RB1: variants seen among roughly 807,000 people sequenced by gnomAD.
The protein encoded by RB1 is retinoblastoma-associated protein.
RB1 carries 18 observed loss-of-function variants against 135.4 expected under a neutral mutation model. The observed-to-expected ratio is 0.13, with a 90% CI of 0.09 to 0.20. The LOEUF (loss-of-function observed/expected upper bound fraction) is 0.20. Among genes scored for constraint, RB1 ranks in the 10% least tolerant of loss-of-function variants. The probability of loss-of-function intolerance (pLI) is 1.00; values close to 1 mark genes in which losing one functional copy is unlikely to be tolerated. For missense variants in RB1, 868 were observed against 1,110.0 expected (o/e 0.78, Z 3.10); for synonymous variants, 365 against 373.2 (o/e 0.98, Z 0.25).
chr13:48,461,617 T>G (rs895284911), intron 20 of RB1, among the ~76,000 whole-genome samples: 1 of 152,166 alleles, frequency 6.6e-6, no homozygotes, highest in African/African-American at 2.4e-5. Flanking sequence ...ACCAATAATG[T>G]ATGAGGTTCT....
At chr13:48,388,155 A>T (rs1470662438) in intron 17 of RB1, among the ~76,000 whole-genome samples, 1 of 152,230 alleles carries the variant, frequency 6.6e-6, no homozygotes, top group Non-Finnish European at 1.5e-5. Flanking sequence ...TACTTAAAAC[A>T]ATATCTGACA....
chr13:48,431,485 C>T lies in RB1; in HGVS notation c.1696-21508C>T, dbSNP rs77032154. On this transcript the variant is annotated intron_variant, in intron 17 of 26. Coordinates refer to ENST00000267163, the MANE Select transcript of RB1 (RefSeq NM_000321.3). ...ACTAGCTCTTTAACAGATACTGATA[C>T]TCAAAGGTAAGGAAGAATTATTGGT... Among the ~76,000 whole-genome samples the T allele has an allele frequency of 8.3e-3, 1,268 of 152,284 alleles. 5 individuals are homozygous for T. Among genetic ancestry groups the T allele is most frequent in the Non-Finnish European group, 0.014 (959 of 68,030 alleles).
chr13:48,445,408 CTGCG>C (rs1949278664), intron 17 of RB1, among the ~76,000 whole-genome samples: 1 of 152,154 alleles, frequency 6.6e-6, no homozygotes, highest in South Asian at 2.1e-4. Flanking sequence ...CTTTCAGATT[CTGCG>C]TGATCATACA....
chr13:48,423,430 A>T (rs1487348008), intron 17 of RB1, among the ~76,000 whole-genome samples: 1 of 152,114 alleles, frequency 6.6e-6, no homozygotes, highest in Non-Finnish European at 1.5e-5. Context: ...ATGTTTAAGG[A>T]TTTCTGATTT....
intron 17 of RB1, chr13:48,411,212 A>G (rs1195445538): frequency 7.0e-6 from 4 of 568,926 alleles, no homozygotes; most frequent in Non-Finnish European, 9.4e-6. Flanking sequence ...TGGATACACA[A>G]ATAAAATACA....
intron 23 of RB1, 98 bp from the exon 24 acceptor site, chr13:48,473,261 TG>T: frequency 1.1e-6 from 1 of 940,160 alleles, no homozygotes; most frequent in East Asian, 2.4e-5. Context: ...ACCTTTAATT[TG>T]GTATTCCTAA....
chr13:48,355,875 G>T (rs576161485), intron 6 of RB1, among the ~76,000 whole-genome samples: 4 of 152,068 alleles, frequency 2.6e-5, no homozygotes, highest in African/African-American at 7.2e-5. Context: ...AATCAAATCT[G>T]AACTCATGGA....
chr13:48,401,806 CT>C (rs897276287), intron 17 of RB1, among the ~76,000 whole-genome samples: 1 of 152,132 alleles, frequency 6.6e-6, no homozygotes, highest in African/African-American at 2.4e-5. Flanking sequence ...CCTTTTCTTA[CT>C]TTGCTAAGTT....
chr13:48,349,376 TC>T (rs1180093912), intron 6 of RB1, among the ~76,000 whole-genome samples: 1 of 151,828 alleles, frequency 6.6e-6, no homozygotes, highest in African/African-American at 2.4e-5. Flanking sequence ...CCAGGGATAA[TC>T]GGCATTAAAA....
At chr13:48,353,451 A>G (rs56065157) in intron 6 of RB1, among the ~76,000 whole-genome samples, 2,119 of 152,254 alleles carry the variant, frequency 0.014, 24 homozygotes, top group Middle Eastern at 0.044. Flanking sequence ...AAGCCATAAT[A>G]AAGTCTCCTA....
chr13:48,317,496 C>T, intron 2 of RB1: 3 of 457,746 alleles, frequency 6.6e-6, no homozygotes, highest in Non-Finnish European at 1.2e-5. Context: ...TCCCGCAGCC[C>T]ATGTGAAAGC....
At chr13:48,458,162 C>A (rs1451847448) in intron 19 of RB1, among the ~76,000 whole-genome samples, 1 of 152,216 alleles carries the variant, frequency 6.6e-6, no homozygotes, top group African/African-American at 2.4e-5. Flanking sequence ...CCCATCCACG[C>A]CTCTCTGCTG....
chr13:48,333,274 G>A, intron 2 of RB1: 1 of 382,798 alleles, frequency 2.6e-6, no homozygotes, highest in Non-Finnish European at 4.6e-6. Context: ...GGTAAAAGGA[G>A]TTGATATTGT....
intron 17 of RB1, among the ~76,000 whole-genome samples, chr13:48,413,807 AGCACAAAATGAAATT>A (rs1188048010): frequency 6.6e-6 from 1 of 152,202 alleles, no homozygotes; most frequent in Non-Finnish European, 1.5e-5. Context: ...TTACTTTCTA[AGCACAAAATGAAATT>A]GCATCTTTTT....
chr13:48,419,919 C>G (rs1948979495), intron 17 of RB1, among the ~76,000 whole-genome samples: 2 of 152,080 alleles, frequency 1.3e-5, no homozygotes, highest in African/African-American at 4.8e-5. Flanking sequence ...CAAAAAAATC[C>G]CAGGAGCAGA....
rs1402321066 is a variant in RB1, at chr13:48,456,358, A to G, written c.1960+9A>G. 6.2e-7 allele frequency: 1 copy of G among 1,613,892 alleles called. No homozygotes were observed. Among genetic ancestry groups the G allele is most frequent in the Admixed American group, 1.7e-5 (1 of 60,016 alleles). ...ACTGTTTTATAAAAAAGGTTAGTAG[A>G]TGATTATTTTCAAGAGCATGGACTC... is the stretch of plus-strand genomic sequence containing the variant. On this transcript the variant is annotated intron_variant, in intron 19 of 26. Coordinates refer to ENST00000267163, the MANE Select transcript of RB1 (RefSeq NM_000321.3).
chr13:48,333,099 C>G, intron 2 of RB1: 1 of 398,248 alleles, frequency 2.5e-6, no homozygotes, highest in South Asian at 1.3e-4. Context: ...TATGGAATGA[C>G]TGATGTAATC....
chr13:48,342,790 T>A, intron 3 of RB1, 76 bp downstream of exon 3: 1 of 985,268 alleles, frequency 1.0e-6, no homozygotes, highest in Non-Finnish European at 1.6e-6. Context: ...AATAGACTTT[T>A]GTGAATTAGT....
At chr13:48,456,419 T>C in intron 19 of RB1, 70 bp downstream of exon 19, 1 of 1,575,716 alleles carries the variant, frequency 6.3e-7, no homozygotes, top group Non-Finnish European at 8.6e-7. Context: ...TCATGTTTCT[T>C]CTACTTTCTA....
Sources: gnomAD v4.1 joint callset for allele counts (sites outside exome capture counted in the v4.1 genomes callset) on GRCh38, gnomAD v4.1.1 for gene constraint, MANE v1.5 for transcripts, NCBI Gene and HGNC (gene_info 2026-07-23, HGNC 2026-07-21) for gene names.